Variants in CRADD observed in about 807,000 individuals in gnomAD.
CRADD encodes the protein death domain-containing protein CRADD.
A neutral mutation model predicts 15.5 loss-of-function variants in CRADD; 9 were observed. The ratio of observed to expected loss-of-function variants is 0.58; its 90% CI spans 0.35 to 1.01. The LOEUF (loss-of-function observed/expected upper bound fraction) is 1.01. CRADD is among the 50% of genes least tolerant of loss of function. CRADD has a pLI of 0.02. For missense variants in CRADD, 227 were observed against 250.3 expected (o/e 0.91, Z 0.63); for synonymous variants, 118 against 107.6 (o/e 1.10, Z -0.60).
At chr12:93,813,046 G>A (rs1957647120) in intron 2 of CRADD, among the ~76,000 whole-genome samples, 1 of 152,054 alleles carries the variant, frequency 6.6e-6, no homozygotes, top group African/African-American at 2.4e-5. Context: ...CAAATTTAAG[G>A]GATATGTGTT....
At chr12:93,703,639 G>A (rs1955883584) in intron 2 of CRADD, among the ~76,000 whole-genome samples, 1 of 151,938 alleles carries the variant, frequency 6.6e-6, no homozygotes, top group South Asian at 2.1e-4. Context: ...TGGGATTACA[G>A]GCAGGAACCA....
At chr12:93,688,124 A>G (rs966037810) in intron 2 of CRADD, among the ~76,000 whole-genome samples, 2 of 152,214 alleles carry the variant, frequency 1.3e-5, no homozygotes, top group Non-Finnish European at 2.9e-5. Context: ...AGAAGGAGAG[A>G]CAAATGGCTA....
chr12:93,737,751 C>A lies in CRADD; in HGVS notation c.298+58679C>A, dbSNP rs1026727796. On this transcript the variant is annotated intron_variant, in intron 2 of 2. Coordinates refer to ENST00000332896, the MANE Select transcript of CRADD (RefSeq NM_003805.5). ...GAAATGGAACCTCGGATGTTGTACA[C>A]CTTTAAATTGTCCATGTTGCCTGTT... 2.0e-5 allele frequency: 3 copies of A among 152,646 alleles called. 1 individual carries two copies. Among genetic ancestry groups the A allele is most frequent in the African/African-American group, 7.2e-5 (3 of 41,424 alleles). 9.5% of individuals were successfully genotyped at this position (152,646 alleles called of 1,614,324 possible).
intron 2 of CRADD, among the ~76,000 whole-genome samples, chr12:93,861,826 TTTTC>T (rs1198413485): frequency 6.6e-6 from 1 of 152,206 alleles, no homozygotes; most frequent in African/African-American, 2.4e-5. Context: ...TTTTATTTCA[TTTTC>T]TTTCTTTTTT....
At chr12:93,829,099 C>G (rs1464187386) in intron 2 of CRADD, among the ~76,000 whole-genome samples, 1 of 150,578 alleles carries the variant, frequency 6.6e-6, no homozygotes, top group African/African-American at 2.4e-5. Context: ...TGTTCTAATT[C>G]TGGTCCTTAT....
chr12:93,797,329 A>G (rs997517882), intron 2 of CRADD, among the ~76,000 whole-genome samples: 1 of 152,222 alleles, frequency 6.6e-6, no homozygotes, highest in Admixed American at 6.5e-5. Context: ...CATGGTCTCC[A>G]GACTTTTCTG....
At chr12:93,701,322 A>ACACACT (rs1955840944) in intron 2 of CRADD, among the ~76,000 whole-genome samples, 1 of 151,502 alleles carries the variant, frequency 6.6e-6, no homozygotes, top group Admixed American at 6.6e-5. Context: ...ACACACACAC[A>ACACACT]CACACACACA....
intron 2 of CRADD, among the ~76,000 whole-genome samples, chr12:93,892,105 A>G (rs1017769481): frequency 6.6e-6 from 1 of 152,132 alleles, no homozygotes; most frequent in Non-Finnish European, 1.5e-5. Flanking sequence ...TACGTTGTGC[A>G]CAAAGACCCC....
At chr12:93,744,140 G>T (rs1190427956) in intron 2 of CRADD, among the ~76,000 whole-genome samples, 1 of 152,146 alleles carries the variant, frequency 6.6e-6, no homozygotes, top group Non-Finnish European at 1.5e-5. Context: ...CTTGGCACAG[G>T]ATGGCTCTCC....
At position 93,681,071 on chromosome 12, in the gene CRADD, A is replaced by G. The variant is rs528772238; in HGVS notation, c.298+1999A>G. 9.9e-5 allele frequency among the ~76,000 whole-genome samples: 15 copies of G among 152,084 alleles called. No homozygotes were observed. The East Asian group carries it at 2.7e-3, about 27-fold the overall frequency. On this transcript the variant is annotated intron_variant, in intron 2 of 2. Transcript: ENST00000332896. ...GGCTAATTTTGTATTTTTAGTAGAG[A>G]TGGGGTTTCTCCATGTTGGTCAGGC... is the stretch of plus-strand genomic sequence containing the variant.
At chr12:93,835,131 T>C (rs889384595) in intron 2 of CRADD, among the ~76,000 whole-genome samples, 5 of 152,242 alleles carry the variant, frequency 3.3e-5, no homozygotes, top group Non-Finnish European at 5.9e-5. Flanking sequence ...TCAAGACTTT[T>C]CAAGGAGGGC....
At chr12:93,847,017 G>C (rs574544282) in intron 2 of CRADD, among the ~76,000 whole-genome samples, 1 of 152,268 alleles carries the variant, frequency 6.6e-6, no homozygotes, top group Non-Finnish European at 1.5e-5. Flanking sequence ...GCAGAAGAAT[G>C]GCATGAACCC....
intron 2 of CRADD, among the ~76,000 whole-genome samples, chr12:93,795,835 C>A (rs988987244): frequency 3.3e-5 from 5 of 152,162 alleles, no homozygotes; most frequent in African/African-American, 1.2e-4. Context: ...AATTGAGCAG[C>A]CTCTTGTAAA....
intron 2 of CRADD, among the ~76,000 whole-genome samples, chr12:93,810,365 A>G (rs1286059482): frequency 6.6e-6 from 1 of 151,954 alleles, no homozygotes; most frequent in African/African-American, 2.4e-5. Context: ...CCTGACCAAC[A>G]TGGAGAAGCC....
intron 2 of CRADD, among the ~76,000 whole-genome samples, chr12:93,825,446 A>G (rs1957813299): frequency 6.6e-6 from 1 of 152,320 alleles, no homozygotes. Flanking sequence ...GATGGCTTTA[A>G]GAGTAAAAGT....
intron 2 of CRADD, among the ~76,000 whole-genome samples, chr12:93,720,686 C>T (rs552439296): frequency 6.6e-6 from 1 of 152,284 alleles, no homozygotes; most frequent in South Asian, 2.1e-4. Context: ...CTCTGATAAC[C>T]TTTCTTGCTC....
rs975954290 is a variant in CRADD at position 93,701,983 on chromosome 12, C to G, written c.298+22911C>G. Among the ~76,000 whole-genome samples, 6 of 151,800 alleles carry G rather than the reference C, an allele frequency of 4.0e-5. No individual in the cohort carries two copies. The South Asian group carries it at 8.3e-4, about 21-fold the overall frequency. On this transcript the variant is annotated intron_variant, in intron 2 of 2. Transcript: ENST00000332896. The stretch of plus-strand genomic sequence containing the variant: ...ATTTTTTTTTTTCTTTGAACCTCCA[C>G]AGATTTTTGTGATGATCTTTCTCCA...
At chr12:93,769,187 C>A (rs1293310251) in intron 2 of CRADD, among the ~76,000 whole-genome samples, 1 of 151,998 alleles carries the variant, frequency 6.6e-6, no homozygotes, top group Non-Finnish European at 1.5e-5. Context: ...TCAAGTGATC[C>A]TCCCCCAAGT....
intron 2 of CRADD, among the ~76,000 whole-genome samples, chr12:93,874,025 G>A (rs1958440788): frequency 6.6e-6 from 1 of 152,028 alleles, no homozygotes; most frequent in African/African-American, 2.4e-5. Context: ...ATTAGTATTA[G>A]TTCTTCTTTA....
Sources: gnomAD v4.1 joint callset for allele counts (sites outside exome capture counted in the v4.1 genomes callset) on GRCh38, gnomAD v4.1.1 for gene constraint, MANE v1.5 for transcripts, NCBI Gene and HGNC (gene_info 2026-07-23, HGNC 2026-07-21) for gene names.